RORA: variants seen among roughly 807,000 people sequenced by gnomAD.
The protein encoded by RORA is nuclear receptor ROR-alpha.
A neutral mutation model predicts 69.5 loss-of-function variants in RORA; 7 were observed. That is an observed-to-expected ratio of 0.10 (90% CI 0.06 to 0.19). RORA has a LOEUF of 0.19. Ranked by LOEUF, RORA falls within the 10% of genes least tolerant of loss-of-function variation. The pLI, the probability that RORA is intolerant of heterozygous loss-of-function variation, is 1.00. For synonymous variants in RORA, 261 were observed against 240.8 expected (o/e 1.08, Z -0.78); for missense variants, 457 against 663.0 (o/e 0.69, Z 3.41).
intron 1 of RORA, among the ~76,000 whole-genome samples, chr15:61,013,493 A>G (rs1895159165): frequency 6.6e-6 from 1 of 152,208 alleles, no homozygotes; most frequent in Non-Finnish European, 1.5e-5. Flanking sequence ...TAAAATGTGA[A>G]TCTTTATTAT....
chr15:60,602,675 CAT>C (rs1395254105), intron 2 of RORA, among the ~76,000 whole-genome samples: 1 of 152,194 alleles, frequency 6.6e-6, no homozygotes, highest in Non-Finnish European at 1.5e-5. Context: ...TACTGTAAAA[CAT>C]ATAGAGTGCT....
At chr15:60,963,786 C>G (rs1893477912) in intron 1 of RORA, among the ~76,000 whole-genome samples, 1 of 152,170 alleles carries the variant, frequency 6.6e-6, no homozygotes, top group Non-Finnish European at 1.5e-5. Flanking sequence ...TGGATTTCAG[C>G]CCTGGCTAAC....
chr15:61,046,251 C>G (rs1462015983), intron 1 of RORA, among the ~76,000 whole-genome samples: 3 of 152,198 alleles, frequency 2.0e-5, no homozygotes, highest in Non-Finnish European at 2.9e-5. Flanking sequence ...AAAGAGGAAT[C>G]TACGTCTGGC....
chr15:60,796,854 C>CA lies in RORA; in HGVS notation c.167-118169dup, dbSNP rs954070288. ...CATACAAAAGAATATTATTCAGCCA[C>CA]AAAAAAAAGAATAAAGGACCCATAC... On this transcript the variant is annotated intron_variant, in intron 1 of 10. Coordinates refer to ENST00000335670, the MANE Select transcript of RORA (RefSeq NM_134261.3). Among the ~76,000 whole-genome samples the CA allele has an allele frequency of 4.1e-4, 62 of 150,708 alleles. 1 individual carries two copies. Among genetic ancestry groups the CA allele is most frequent in the Admixed American group, 3.6e-3 (54 of 15,102 alleles).
At position 60,968,667 on chromosome 15, in the gene RORA, C is replaced by CTT. The variant is rs5813056; in HGVS notation, c.166+260384_166+260385dup. Reference sequence around the variant, plus strand: ...GAAAGGTTGCAAGCACAACATAAATCTTTTTTTTTTTTTTATTAACTGAGC... The same window carrying CTT: ...GAAAGGTTGCAAGCACAACATAAATCTTTTTTTTTTTTTTTTATTAACTGAGC... On this transcript the variant is annotated intron_variant, in intron 1 of 10. Coordinates refer to ENST00000335670, the MANE Select transcript of RORA (RefSeq NM_134261.3). 3.4e-3 allele frequency among the ~76,000 whole-genome samples: 499 copies of CTT among 145,650 alleles called. 3 individuals carry two copies. Among genetic ancestry groups the CTT allele is most frequent in the Non-Finnish European group, 5.5e-3 (365 of 66,340 alleles).
chr15:60,572,132 C>T (rs376489707), intron 2 of RORA, among the ~76,000 whole-genome samples: 1 of 152,274 alleles, frequency 6.6e-6, no homozygotes, highest in African/African-American at 2.4e-5. Flanking sequence ...ACTAGCCATG[C>T]TTTGAATTTG....
chr15:61,219,418 C>CA (rs1407018414), intron 1 of RORA, among the ~76,000 whole-genome samples: 3 of 151,950 alleles, frequency 2.0e-5, no homozygotes, highest in Non-Finnish European at 4.4e-5. Flanking sequence ...ACTAAAAATA[C>CA]AAAAAAATCA....
intron 1 of RORA, among the ~76,000 whole-genome samples, chr15:60,778,584 G>C (rs1443468273): frequency 6.6e-6 from 1 of 152,120 alleles, no homozygotes; most frequent in African/African-American, 2.4e-5. Flanking sequence ...TTTTCTGGCT[G>C]TCAGATTCTC....
intron 1 of RORA, among the ~76,000 whole-genome samples, chr15:60,762,277 A>T (rs1260460408): frequency 6.6e-6 from 1 of 152,224 alleles, no homozygotes; most frequent in East Asian, 1.9e-4. Flanking sequence ...GCAAGATAAC[A>T]TCTCTGGGAG....
chr15:60,677,344 AC>A, intron 2 of RORA: 1 of 397,476 alleles, frequency 2.5e-6, no homozygotes, highest in Non-Finnish European at 5.3e-6. Flanking sequence ...CGACAAAACA[AC>A]CCCCAAAAAG....
intron 1 of RORA, among the ~76,000 whole-genome samples, chr15:61,134,495 G>A (rs2079218892): frequency 6.6e-6 from 1 of 152,174 alleles, no homozygotes; most frequent in African/African-American, 2.4e-5. Context: ...AAAACATTGA[G>A]GAGGGTGCCA....
intron 1 of RORA, among the ~76,000 whole-genome samples, chr15:61,180,988 C>T (rs556900580): frequency 1.3e-4 from 20 of 151,748 alleles, no homozygotes; most frequent in African/African-American, 4.8e-4. Context: ...CCTATAATCC[C>T]AGCTACTCGG....
intron 1 of RORA, among the ~76,000 whole-genome samples, chr15:60,694,365 A>C (rs1031710404): frequency 6.6e-6 from 1 of 152,194 alleles, no homozygotes; most frequent in African/African-American, 2.4e-5. Flanking sequence ...GGCAAAAAGC[A>C]CGGAAGATGA....
chr15:60,734,976 G>A (rs1433283999), intron 1 of RORA, among the ~76,000 whole-genome samples: 1 of 152,182 alleles, frequency 6.6e-6, no homozygotes, highest in Non-Finnish European at 1.5e-5. Context: ...GCACAGTTGG[G>A]TATAAAAGAG....
chr15:61,187,645 C>T (rs900743261), intron 1 of RORA, among the ~76,000 whole-genome samples: 2 of 152,158 alleles, frequency 1.3e-5, no homozygotes, highest in Non-Finnish European at 2.9e-5. Context: ...TTTTTTATGA[C>T]CATTAATCAC....
intron 1 of RORA, among the ~76,000 whole-genome samples, chr15:61,058,689 G>A (rs911512834): frequency 1.3e-5 from 2 of 152,178 alleles, no homozygotes; most frequent in Admixed American, 6.5e-5. Flanking sequence ...GGGGATTCAG[G>A]AGACCCTCTG....
At chr15:61,047,359 A>C (rs2140489496) in intron 1 of RORA, among the ~76,000 whole-genome samples, 2 of 152,374 alleles carry the variant, frequency 1.3e-5, no homozygotes, top group Middle Eastern at 3.4e-3. Flanking sequence ...TTTCAAAAGG[A>C]AGACCAGTTT....
intron 1 of RORA, among the ~76,000 whole-genome samples, chr15:61,059,800 AAT>A (rs2078146118): frequency 6.6e-6 from 1 of 152,108 alleles, no homozygotes; most frequent in Admixed American, 6.6e-5. Flanking sequence ...TTTGGCAGCC[AAT>A]CACTCTAATC....
At chr15:60,626,889 G>A (rs1040404341) in intron 2 of RORA, among the ~76,000 whole-genome samples, 1 of 152,110 alleles carries the variant, frequency 6.6e-6, no homozygotes, top group Non-Finnish European at 1.5e-5. Flanking sequence ...CTTCTACAGA[G>A]GGATTCACGA....
Sources: allele counts gnomAD v4.1 joint callset (sites outside exome capture counted in the v4.1 genomes callset), GRCh38; gene constraint gnomAD v4.1.1; transcripts MANE v1.5; gene names NCBI Gene and HGNC (gene_info 2026-07-23, HGNC 2026-07-21).